Variants in HNF4G observed in about 807,000 individuals in gnomAD.
HNF4G encodes the protein hepatocyte nuclear factor 4 gamma.
HNF4G carries 21 observed loss-of-function variants against 50.9 expected under a neutral mutation model. That is an observed-to-expected ratio of 0.41 (90% CI 0.29 to 0.59). The LOEUF (loss-of-function observed/expected upper bound fraction) is 0.59, where lower values mean the gene tolerates loss of function less well. Among genes scored for constraint, HNF4G ranks in the 20% least tolerant of loss-of-function variants. HNF4G has a pLI of 0.26. For synonymous variants in HNF4G, 198 were observed against 185.6 expected, an observed-to-expected ratio of 1.07 and a Z score of -0.54; for missense variants, 527 against 559.4, an observed-to-expected ratio of 0.94 and a Z score of 0.58.
chr8:75,546,385 T>C lies in HNF4G; in HGVS notation c.288-1202T>C, dbSNP rs907340667. Among the ~76,000 whole-genome samples, 3 of 152,134 alleles carry C rather than the reference T, an allele frequency of 2.0e-5. 1 individual carries two copies. The highest frequency in any genetic ancestry group is 4.4e-5 in the Non-Finnish European group (3 of 68,014). ...CTGTACTCTTTTTTATGTGTTTGTT[T>C]GTTTGTTTGGTTAAGTATACAAGTC... On this transcript the variant is annotated intron_variant, in intron 2 of 9. Coordinates refer to ENST00000396423, the MANE Select transcript of HNF4G (RefSeq NM_004133.5).
At chr8:75,489,594 G>A (rs566121533) in intron 1 of HNF4G, among the ~76,000 whole-genome samples, 3 of 152,196 alleles carry the variant, frequency 2.0e-5, no homozygotes, top group African/African-American at 7.2e-5. Flanking sequence ...GATTTAATAA[G>A]GATTTAAACT....
intron 2 of HNF4G, among the ~76,000 whole-genome samples, chr8:75,491,143 C>G (rs1812619327): frequency 6.6e-6 from 1 of 152,130 alleles, no homozygotes; most frequent in Admixed American, 6.5e-5. Context: ...TCAACTTCTA[C>G]TATGAAATGA....
At chr8:75,530,408 A>G (rs915344591) in intron 2 of HNF4G, among the ~76,000 whole-genome samples, 2 of 145,538 alleles carry the variant, frequency 1.4e-5, no homozygotes, top group Non-Finnish European at 3.0e-5. Flanking sequence ...CTGGATATGA[A>G]GGTGAATAGA....
In HNF4G at chr8:75,504,255, AC is replaced by A. The variant is rs1563532161; in HGVS notation, c.-24+14048del. ...GACACACACACACACACACACACAC[AC>A]ACACACACACACACACACACCAAAA... is the stretch of plus-strand genomic sequence containing the variant. On this transcript the variant is annotated intron_variant, in intron 2 of 10. Coordinates refer to the HNF4G transcript ENST00000354370. Among the ~76,000 whole-genome samples, 495 of 149,382 alleles carry A rather than the reference AC, an allele frequency of 3.3e-3. 5 individuals are homozygous for A. Among genetic ancestry groups the A allele is most frequent in the African/African-American group, 0.012 (469 of 39,230 alleles).
intron 1 of HNF4G, among the ~76,000 whole-genome samples, chr8:75,465,418 G>A (rs1012415241): frequency 6.6e-6 from 1 of 152,080 alleles, no homozygotes; most frequent in African/African-American, 2.4e-5. Flanking sequence ...GCATAAGAAA[G>A]TCAAGAAAAT....
At chr8:75,434,156 A>C (rs1166649600) in intron 1 of HNF4G, among the ~76,000 whole-genome samples, 2 of 151,026 alleles carry the variant, frequency 1.3e-5, no homozygotes, top group Admixed American at 6.6e-5. Context: ...GGCGCCTGCC[A>C]CCCCACCCGG....
chr8:75,459,700 T>G (rs900073053), intron 1 of HNF4G, among the ~76,000 whole-genome samples: 1 of 152,144 alleles, frequency 6.6e-6, no homozygotes, highest in African/African-American at 2.4e-5. Flanking sequence ...ATTTATGCAT[T>G]TAGTCATGTA....
intron 1 of HNF4G, among the ~76,000 whole-genome samples, chr8:75,430,499 A>AGAGG (rs1191619471): frequency 7.8e-6 from 1 of 128,144 alleles, no homozygotes; most frequent in African/African-American, 3.1e-5. Context: ...AGAGAGAGAG[A>AGAGG]GAGGGAGAGA....
chr8:75,547,632 T>C lies in HNF4G; in HGVS notation c.333T>C (p.Cys111=), dbSNP rs543886695. 1.6e-5 allele frequency: 26 copies of C among 1,612,214 alleles called. 1 individual carries two copies. The highest frequency in any genetic ancestry group is 1.6e-4 in the African/African-American group (12 of 75,002). The stretch of plus-strand genomic sequence containing the variant: ...TTGACAAGGACAAAAGGAATCAATG[T>C]AGATATTGTCGATTAAGAAAGTGTT... ...CVVDKDKRNQ[C]RYCRLRKCFR... The change falls in exon 3 of 10, where the codon TGT becomes TGC. Residue 111 remains cysteine, a synonymous_variant. Coordinates refer to ENST00000396423, the MANE Select transcript of HNF4G (RefSeq NM_004133.5).
intron 2 of HNF4G, among the ~76,000 whole-genome samples, chr8:75,525,005 T>C (rs1315339599): frequency 6.6e-6 from 1 of 152,178 alleles, no homozygotes; most frequent in Non-Finnish European, 1.5e-5. Flanking sequence ...GGGCACAATG[T>C]CAGTTTTTGG....
intron 2 of HNF4G, among the ~76,000 whole-genome samples, chr8:75,499,297 A>G (rs1041934368): frequency 2.0e-5 from 3 of 152,098 alleles, no homozygotes; most frequent in African/African-American, 7.2e-5. Flanking sequence ...TAAAAATAAT[A>G]AAGTACTAAG....
At chr8:75,449,658 C>T (rs373924398) in intron 1 of HNF4G, among the ~76,000 whole-genome samples, 15 of 151,942 alleles carry the variant, frequency 9.9e-5, no homozygotes, top group East Asian at 9.7e-4. Flanking sequence ...AGGCTCCCGC[C>T]ACCACGCCAG....
At chr8:75,498,421 A>G (rs941586339) in intron 2 of HNF4G, among the ~76,000 whole-genome samples, 2 of 152,106 alleles carry the variant, frequency 1.3e-5, no homozygotes, top group African/African-American at 4.8e-5. Context: ...GATCAAAAAC[A>G]TTCCCGCAAA....
chr8:75,536,114 A>G (rs1585932772), upstream of HNF4G, among the ~76,000 whole-genome samples: 1 of 152,066 alleles, frequency 6.6e-6, no homozygotes, highest in Non-Finnish European at 1.5e-5. Flanking sequence ...ACAAAACATG[A>G]GATTTCACTA....
chr8:75,563,994 C>A lies in HNF4G; in HGVS notation c.1266C>A (p.Leu422=). ...ADQISTPETP[L]PSPPQGSGQE... ...TTTCAGCAACTCCTGAAACCCCACT[C>A]CCTTCCCCACCACAAGGCTCTGGGC... The change falls in exon 10 of 10, where the codon CTC becomes CTA. Residue 422 remains leucine, a synonymous_variant. Transcript: ENST00000396423. 1 of 1,613,706 alleles carries A rather than the reference C, an allele frequency of 6.2e-7. No individual in the cohort carries two copies. Among genetic ancestry groups the A allele is most frequent in the African/African-American group, 1.3e-5 (1 of 75,018 alleles).
At chr8:75,465,721 G>A (rs1296266322) in intron 1 of HNF4G, among the ~76,000 whole-genome samples, 1 of 152,000 alleles carries the variant, frequency 6.6e-6, no homozygotes, top group African/African-American at 2.4e-5. Flanking sequence ...ACAAGAAAGT[G>A]AAAGCAAAGA....
intron 1 of HNF4G, among the ~76,000 whole-genome samples, chr8:75,443,132 T>C (rs1811327028): frequency 6.6e-6 from 1 of 152,138 alleles, no homozygotes; most frequent in African/African-American, 2.4e-5. Context: ...TCTTCTACCA[T>C]GTGAGGGAAC....
intron 1 of HNF4G, among the ~76,000 whole-genome samples, chr8:75,415,958 T>A (rs565661035): frequency 2.0e-5 from 3 of 152,206 alleles, no homozygotes; most frequent in Non-Finnish European, 4.4e-5. Flanking sequence ...ACCCGTACTT[T>A]AAAAATGACA....
intron 1 of HNF4G, among the ~76,000 whole-genome samples, chr8:75,418,649 A>G (rs1031384627): frequency 6.6e-6 from 1 of 150,960 alleles, no homozygotes; most frequent in African/African-American, 2.4e-5. Context: ...CTTGAGGATG[A>G]TATCCGGAGT....
Sources: gnomAD v4.1 joint callset for allele counts (sites outside exome capture counted in the v4.1 genomes callset) on GRCh38, gnomAD v4.1.1 for gene constraint, MANE v1.5 for transcripts, NCBI Gene and HGNC (gene_info 2026-07-23, HGNC 2026-07-21) for gene names.